Variants in OPTN observed in about 807,000 individuals in gnomAD.
The protein encoded by OPTN is E3-14.7K-interacting protein.
OPTN carries 54 observed loss-of-function variants against 70.4 expected under a neutral mutation model. The ratio of observed to expected loss-of-function variants is 0.77; its 90% CI spans 0.62 to 0.96. The LOEUF (loss-of-function observed/expected upper bound fraction) is 0.96, where lower values mean the gene tolerates loss of function less well. Among genes scored for constraint, OPTN ranks in the 40% least tolerant of loss-of-function variants. OPTN has a pLI of 0.00. For missense variants in OPTN, 624 were observed against 673.2 expected, an observed-to-expected ratio of 0.93 and a Z score of 0.81; for synonymous variants, 256 against 248.5, an observed-to-expected ratio of 1.03 and a Z score of -0.28.
intron 4 of OPTN, among the ~76,000 whole-genome samples, chr10:13,110,829 TA>T (rs1388713582): frequency 1.3e-5 from 2 of 152,174 alleles, no homozygotes; most frequent in Admixed American, 6.5e-5. Flanking sequence ...AAAATATGTT[TA>T]AAAAACCCAT....
chr10:13,118,251 T>C (rs541263169), intron 6 of OPTN, among the ~76,000 whole-genome samples: 13 of 152,256 alleles, frequency 8.5e-5, no homozygotes, highest in African/African-American at 3.1e-4. Flanking sequence ...ACTGAAAGAG[T>C]AGCTGCCGTT....
chr10:13,122,532 A>G, intron 8 of OPTN, 45 bp downstream of exon 8: 1 of 1,226,096 alleles, frequency 8.2e-7, no homozygotes, highest in Non-Finnish European at 1.2e-6. Flanking sequence ...CACACACACG[A>G]GAGTAGTCCA....
chr10:13,126,283 C>CCTTTTTTTTTTTTTTTTTTTTTTTTT (rs771767144), intron 11 of OPTN, among the ~76,000 whole-genome samples: 17 of 139,066 alleles, frequency 1.2e-4, no homozygotes, highest in African/African-American at 4.6e-4. Context: ...CTTCGTATTT[C>CCTTTTTTTTTTTTTTTTTTTTTTTTT]TTTTTTTTTT....
In OPTN at chr10:13,118,877, A is replaced by G. The variant is rs775360573; in HGVS notation, c.627-11A>G. On this transcript the variant is annotated splice_polypyrimidine_tract_variant and intron_variant, in intron 6 of 14. Transcript: ENST00000378747. ...TTCTGATGAAAACCTTTTAACCTTT[A>G]TACTGAACAGGGCATTGTCTAAATA... 1.9e-6 allele frequency: 3 copies of G among 1,613,532 alleles called. No homozygotes were observed. In the Admixed American group the frequency reaches 5.0e-5, roughly 27 times the overall value.
chr10:13,126,375 G>A (rs1427377923), intron 11 of OPTN, among the ~76,000 whole-genome samples: 1 of 151,286 alleles, frequency 6.6e-6, no homozygotes, highest in Non-Finnish European at 1.5e-5. Flanking sequence ...CCGCCTCCTG[G>A]GTTCACGCCA....
chr10:13,134,231 C>A (rs1217711577), intron 14 of OPTN, among the ~76,000 whole-genome samples: 1 of 152,160 alleles, frequency 6.6e-6, no homozygotes, highest in Non-Finnish European at 1.5e-5. Flanking sequence ...ACAGAGACGC[C>A]CTTTTCTTAT....
In OPTN at chr10:13,125,861, G is replaced by C. The variant is rs971595896; in HGVS notation, c.1149-85G>C. ...GGTAGGCGAGAAGATTTTTCTACTG[G>C]AGTGTTCAGAAGGTTGGGAGGCAAG... On this transcript the variant is annotated intron_variant, in intron 10 of 14. Transcript: ENST00000378747. 1.5e-5 allele frequency: 15 copies of C among 986,914 alleles called. 1 individual carries two copies. Among genetic ancestry groups the C allele is most frequent in the South Asian group, 4.1e-5 (3 of 73,620 alleles). 61.1% of individuals were successfully genotyped at this position (986,914 alleles called of 1,614,324 possible). A position where few individuals can be genotyped will look rare whatever the true frequency, so the allele number is the denominator to read the frequency against.
At chr10:13,125,714 G>A (rs1453789814) in intron 10 of OPTN, 147 bp downstream of exon 10, 4 of 946,458 alleles carry the variant, frequency 4.2e-6, no homozygotes, top group African/African-American at 3.4e-5. Flanking sequence ...TCTCAGAGAG[G>A]GGGATAAAAT....
chr10:13,131,006 A>G (rs1185520074), intron 12 of OPTN, among the ~76,000 whole-genome samples: 1 of 152,096 alleles, frequency 6.6e-6, no homozygotes, highest in African/African-American at 2.4e-5. Context: ...TGCAACCTCT[A>G]TTTCCTGGGC....
At chr10:13,124,242 T>G (rs1359425681) in intron 9 of OPTN, 132 bp downstream of exon 9, 2 of 616,612 alleles carry the variant, frequency 3.2e-6, no homozygotes, top group Non-Finnish European at 5.7e-6. Flanking sequence ...AAATATAAAT[T>G]CAGAATATAC....
chr10:13,103,768 A>AC, intron 1 of OPTN, among the ~76,000 whole-genome samples: 2 of 151,870 alleles, frequency 1.3e-5, no homozygotes, highest in Admixed American at 6.6e-5. Context: ...ACACACACAC[A>AC]ATCAGGAATT....
At position 13,132,093 on chromosome 10, in the gene OPTN, T is replaced by C. The variant is rs767738080; in HGVS notation, c.1428T>C (p.His476=). Residue 476 remains histidine, a synonymous_variant, in exon 13 of 15, where the codon CAT becomes CAC. Coordinates refer to ENST00000378747, the MANE Select transcript of OPTN (RefSeq NM_001008212.2). ...TGGAAGTTTACTGTTCTGATTTTCATGCTGAAAGAGCAGCGAGAGAGAAAA... is the reference window on the plus strand; with the variant it reads ...TGGAAGTTTACTGTTCTGATTTTCACGCTGAAAGAGCAGCGAGAGAGAAAA... ...AQMEVYCSDF[H]AERAAREKIH... is the part of the protein sequence containing the mutation. The C allele has an allele frequency of 5.0e-6, 8 of 1,613,378 alleles. No individual in the cohort carries two copies. In the Admixed American group the frequency reaches 1.2e-4, roughly 24 times the overall value.
intron 1 of OPTN, among the ~76,000 whole-genome samples, chr10:13,100,522 A>T (rs1832717325): frequency 6.6e-6 from 1 of 152,060 alleles, no homozygotes. Flanking sequence ...GAGGGTGGGT[A>T]GTGAACACAG....
At chr10:13,125,766 C>T (rs181574938) in intron 10 of OPTN, among the ~76,000 whole-genome samples, 180 bp from the exon 11 acceptor site, 1 of 152,254 alleles carries the variant, frequency 6.6e-6, no homozygotes, top group Admixed American at 6.5e-5. Context: ...ATTGTTTGCA[C>T]TCTGTCTTGA....
rs1014365397 is a variant in OPTN at position 13,132,085 on chromosome 10, G to A, written c.1420G>A (p.Asp474Asn). 1.9e-6 allele frequency: 3 copies of A among 1,612,830 alleles called. No homozygotes were observed. Among genetic ancestry groups the A allele is most frequent in the Non-Finnish European group, 2.5e-6 (3 of 1,179,234 alleles). The change falls in exon 13 of 15, where the codon GAT becomes AAT. Residue 474 changes from aspartate to asparagine, a missense_variant. Coordinates refer to ENST00000378747, the MANE Select transcript of OPTN (RefSeq NM_001008212.2). ...LRAQMEVYCS[D>N]FHAERAAREK... is the part of the protein sequence containing the mutation. The stretch of plus-strand genomic sequence containing the variant: ...CTAACAGATGGAAGTTTACTGTTCT[G>A]ATTTTCATGCTGAAAGAGCAGCGAG...
intron 1 of OPTN, among the ~76,000 whole-genome samples, chr10:13,101,499 G>A (rs1014953844): frequency 6.7e-6 from 1 of 149,094 alleles, no homozygotes; most frequent in East Asian, 2.0e-4. Flanking sequence ...AGGTAGAGGC[G>A]CATAAGTATT....
Position 13,112,420 on chromosome 10 carries a change from C to CTGT in OPTN, c.370-31_370-29dup, listed in dbSNP as rs139244295. 3,274 of 1,605,590 alleles carry CTGT rather than the reference C, an allele frequency of 2.0e-3. 48 individuals are homozygous for CTGT. The African/African-American group carries it at 0.036, about 17-fold the overall frequency. On this transcript the variant is annotated intron_variant, in intron 4 of 14. Transcript: ENST00000378747. ...CCATGGTGCCCAGCCTTAGTTTGAT[C>CTGT]TGTTCATTCACTTTACTCCTTGTCA...
intron 1 of OPTN, among the ~76,000 whole-genome samples, chr10:13,107,003 C>T (rs745898799): frequency 2.0e-5 from 3 of 152,156 alleles, no homozygotes; most frequent in East Asian, 1.9e-4. Flanking sequence ...TTTGTGCATG[C>T]GTGGCTTTCT....
Position 13,109,138 on chromosome 10 carries a change from C to T in OPTN, c.16C>T (p.Leu6Phe), listed in dbSNP as rs747128537. MSHQP[L>F]SCLTEKEDSP... Reference sequence around the variant, plus strand: ...AACTTCTGCAATGTCCCATCAACCTCTCAGCTGCCTCACTGAAAAGGAGGA... The same window carrying T: ...AACTTCTGCAATGTCCCATCAACCTTTCAGCTGCCTCACTGAAAAGGAGGA... Residue 6 changes from leucine (L) to phenylalanine (F), a missense_variant, in exon 3 of 15, where the codon CTC becomes TTC. By Grantham distance (22) the Leu-to-Phe change is conservative (BLOSUM62 0). Coordinates refer to ENST00000378747, the MANE Select transcript of OPTN (RefSeq NM_001008212.2). 1.9e-6 allele frequency: 3 copies of T among 1,614,082 alleles called. No individual in the cohort carries two copies. Among genetic ancestry groups the T allele is most frequent in the Non-Finnish European group, 2.5e-6 (3 of 1,180,024 alleles).
Sources: gnomAD v4.1 joint callset for allele counts (sites outside exome capture counted in the v4.1 genomes callset) on GRCh38, gnomAD v4.1.1 for gene constraint, MANE v1.5 for transcripts, NCBI Gene and HGNC (gene_info 2026-07-23, HGNC 2026-07-21) for gene names.